Variants in COL16A1 observed in about 807,000 individuals in gnomAD.
The protein encoded by COL16A1 is collagen alpha-1(XVI) chain.
Under a neutral mutation model 266.3 loss-of-function variants are expected in COL16A1, and 189 were observed. The ratio of observed to expected loss-of-function variants is 0.71; its 90% CI spans 0.63 to 0.80. The LOEUF (loss-of-function observed/expected upper bound fraction) is 0.80, where lower values mean the gene tolerates loss of function less well. COL16A1 is among the 30% of genes least tolerant of loss of function. The pLI is 0.00. For missense variants in COL16A1, 1,928 were observed against 2,122.4 expected, an observed-to-expected ratio of 0.91 and a Z score of 1.80; for synonymous variants, 740 against 782.3, an observed-to-expected ratio of 0.95 and a Z score of 0.90.
At position 31,655,442 on chromosome 1, in the gene COL16A1, G is replaced by A; in HGVS notation, c.4162C>T (p.Pro1388Ser). ...QAGEKGRAGMPGGPGKSGSMG... is the reference protein window; with the variant it reads ...QAGEKGRAGMSGGPGKSGSMG... ...GAACCACTCTTGCCAGGTCCACCAG[G>A]CATGCCGGCTCTCCCCTTCTCTCCT... is the stretch of plus-strand genomic sequence containing the variant. The change falls in exon 67 of 71, where the codon CCT becomes TCT. Residue 1388 changes from proline to serine, a missense_variant. Physicochemically the swap from Pro to Ser is moderately conservative, Grantham distance 74. Around this residue, in one of 2 missense-constraint regions of COL16A1, gnomAD observed 376 missense variants for 485.2 expected, o/e 0.77. Coordinates refer to ENST00000373672, the MANE Select transcript of COL16A1 (RefSeq NM_001856.4). The A allele has an allele frequency of 6.2e-7, 1 of 1,614,152 alleles. No individual in the cohort carries two copies. Among genetic ancestry groups the A allele is most frequent in the Non-Finnish European group, 8.5e-7 (1 of 1,180,032 alleles).
At chr1:31,702,379 C>T (rs1027971770) in intron 1 of COL16A1, among the ~76,000 whole-genome samples, 152 bp from the exon 2 acceptor site, 1 of 152,202 alleles carries the variant, frequency 6.6e-6, no homozygotes, top group Non-Finnish European at 1.5e-5. Context: ...AGAGGCCCAA[C>T]CACAGCCCTT....
rs570831001 is a variant in COL16A1 at position 31,684,801 on chromosome 1, G to A, written c.2052+20C>T. The A allele has an allele frequency of 1.9e-6, 3 of 1,614,030 alleles. No homozygotes were observed. Among genetic ancestry groups the A allele is most frequent in the East Asian group, 4.5e-5 (2 of 44,868 alleles). On this transcript the variant is annotated intron_variant, in intron 30 of 70. Coordinates refer to ENST00000373672, the MANE Select transcript of COL16A1 (RefSeq NM_001856.4). ...GAGATGATGCCATGCCCACCCCCGTGCCCACGGACGCCCTCTCACCTTCTG... is the reference window on the plus strand; with the variant it reads ...GAGATGATGCCATGCCCACCCCCGTACCCACGGACGCCCTCTCACCTTCTG...
chr1:31,678,686 T>C (rs1179380829), intron 42 of COL16A1, among the ~76,000 whole-genome samples: 1 of 152,242 alleles, frequency 6.6e-6, no homozygotes, highest in Non-Finnish European at 1.5e-5. Context: ...ATAATAGTCA[T>C]GGGTACAATT....
At chr1:31,661,637 C>T (rs1350488815) in intron 59 of COL16A1, 23 bp downstream of exon 59, 1 of 1,613,852 alleles carries the variant, frequency 6.2e-7, no homozygotes. Flanking sequence ...CAGCTTCCAA[C>T]TCCTTCCTGC....
chr1:31,676,654 G>A (rs140647322), intron 42 of COL16A1, among the ~76,000 whole-genome samples: 12 of 152,332 alleles, frequency 7.9e-5, no homozygotes, highest in Admixed American at 1.3e-4. Context: ...GGAGACAATG[G>A]CTGCAACGAT....
In COL16A1 at chr1:31,688,622, G is replaced by T; in HGVS notation, c.1768-120C>A. 1 of 1,392,134 alleles carries T rather than the reference G, an allele frequency of 7.2e-7. No individual in the cohort carries two copies. Among genetic ancestry groups the T allele is most frequent in the Non-Finnish European group, 1.0e-6 (1 of 981,042 alleles). 86.2% of individuals were successfully genotyped at this position (1,392,134 alleles called of 1,614,324 possible). A position where few individuals can be genotyped will look rare whatever the true frequency, so the allele number is the denominator to read the frequency against. On this transcript the variant is annotated intron_variant, in intron 25 of 70. Transcript: ENST00000373672. This position sits in a 1 kb window ranked among gnomAD's most constrained non-coding sequence, Gnocchi z 4.9. Reference sequence around the variant, plus strand: ...AGATAGGAATTATGTCCTTCAGGTAGCTGGACAGTTTCTTCAGTTAGACAA... The same window carrying T: ...AGATAGGAATTATGTCCTTCAGGTATCTGGACAGTTTCTTCAGTTAGACAA...
At chr1:31,665,455 C>G in intron 55 of COL16A1, 128 bp downstream of exon 55, 1 of 1,553,254 alleles carries the variant, frequency 6.4e-7, no homozygotes, top group East Asian at 2.3e-5. Flanking sequence ...CCTGGCCACC[C>G]AGGCCGTTCT....
At chr1:31,683,520 T>G in intron 34 of COL16A1, 151 bp from the exon 35 acceptor site, 2 of 1,573,002 alleles carry the variant, frequency 1.3e-6, no homozygotes, top group Admixed American at 3.5e-5. Flanking sequence ...TCAGAGAGGC[T>G]GGGGTCAAAG....
At chr1:31,662,441 G>A in intron 57 of COL16A1, 54 bp from the exon 58 acceptor site, 1 of 1,589,204 alleles carries the variant, frequency 6.3e-7, no homozygotes, top group Non-Finnish European at 8.6e-7. Flanking sequence ...CCTAGGAGGT[G>A]GGAGGCCTGG....
intron 69 of COL16A1, 82 bp from the exon 70 acceptor site, chr1:31,653,758 C>T (rs1325781704): frequency 1.3e-6 from 2 of 1,569,894 alleles, no homozygotes; most frequent in East Asian, 2.3e-5. Context: ...CACACACACA[C>T]ACACACACAC....
At position 31,661,685 on chromosome 1, in the gene COL16A1, C is replaced by G. The variant is rs1306629782; in HGVS notation, c.3701G>C (p.Gly1234Ala). The G allele has an allele frequency of 6.2e-6, 10 of 1,602,760 alleles. No individual in the cohort carries two copies. Among genetic ancestry groups the G allele is most frequent in the Non-Finnish European group, 7.6e-6 (9 of 1,177,058 alleles). ...PGLRGDPGPAGPPGLMGPPGF... is the reference protein window; with the variant it reads ...PGLRGDPGPAAPPGLMGPPGF... ...CGGTGGTCCCATGAGTCCAGGGGGG[C>G]CAGCAGGACCAGGGTCCCCCTAGGG... Residue 1234 changes from glycine (G) to alanine (A), a missense_variant, in exon 59 of 71, where the codon GGC becomes GCC. This residue lies in a region of COL16A1 where 1,552 missense variants were observed against 1,637.2 expected (regional missense o/e 0.95). Transcript: ENST00000373672.
At chr1:31,694,472 C>T (rs1275607687) in intron 11 of COL16A1, among the ~76,000 whole-genome samples, 2 of 152,156 alleles carry the variant, frequency 1.3e-5, no homozygotes, top group African/African-American at 2.4e-5. Context: ...ATCTGGGGAC[C>T]ATCAGTCTTA....
At chr1:31,679,492 G>T (rs1357259185) in intron 42 of COL16A1, 140 bp downstream of exon 42, 1 of 1,613,686 alleles carries the variant, frequency 6.2e-7, no homozygotes, top group South Asian at 1.1e-5. Flanking sequence ...ACCCTGGGAG[G>T]CAGGTAAACA....
At chr1:31,665,860 C>A in intron 54 of COL16A1, 22 bp downstream of exon 54, 2 of 1,614,134 alleles carry the variant, frequency 1.2e-6, no homozygotes, top group Non-Finnish European at 1.7e-6. Flanking sequence ...CTCCCTGCAG[C>A]CAGGTCCCAG....
chr1:31,688,410 T>C lies in COL16A1; in HGVS notation c.1803+57A>G. On this transcript the variant is annotated intron_variant, in intron 26 of 70. Coordinates refer to ENST00000373672, the MANE Select transcript of COL16A1 (RefSeq NM_001856.4). This position sits in a 1 kb window ranked among gnomAD's most constrained non-coding sequence, Gnocchi z 4.9. The stretch of plus-strand genomic sequence containing the variant: ...CCTTATTCCCCGCCCGCACCACTCC[T>C]CCCCTGCCTGCCTGCCAAGAAACTC... 1 of 1,597,626 alleles carries C rather than the reference T, an allele frequency of 6.3e-7. No individual in the cohort carries two copies. Among genetic ancestry groups the C allele is most frequent in the Non-Finnish European group, 8.6e-7 (1 of 1,165,248 alleles).
intron 22 of COL16A1, 81 bp from the exon 23 acceptor site, chr1:31,689,932 C>A: frequency 8.1e-7 from 1 of 1,228,972 alleles, no homozygotes; most frequent in African/African-American, 1.5e-5. Context: ...CGCAGACCAG[C>A]CCTAGACATT....
intron 10 of COL16A1, 114 bp from the exon 11 acceptor site, chr1:31,695,335 G>A (rs769081161): frequency 3.7e-5 from 38 of 1,023,748 alleles, no homozygotes; most frequent in Non-Finnish European, 5.3e-5. Context: ...TGGAATCTGA[G>A]GGGAGCCTGA....
chr1:31,661,297 C>CA, intron 60 of COL16A1, 117 bp downstream of exon 60: 1 of 1,562,450 alleles, frequency 6.4e-7, no homozygotes, highest in Non-Finnish European at 8.7e-7. Context: ...CCAGTGGCCC[C>CA]AGGAGGCTCT....
At chr1:31,699,718 A>T in intron 4 of COL16A1, 95 bp downstream of exon 4, 1 of 827,118 alleles carries the variant, frequency 1.2e-6, no homozygotes, top group African/African-American at 1.7e-5. Flanking sequence ...AATGACCCAC[A>T]GACAGGCCCC....
Sources: allele counts gnomAD v4.1 joint callset (sites outside exome capture counted in the v4.1 genomes callset), GRCh38; gene constraint gnomAD v4.1.1; regional missense constraint gnomAD v4.1.1; non-coding constraint Gnocchi (gnomAD v3.1); transcripts MANE v1.5; gene names NCBI Gene and HGNC (gene_info 2026-07-23, HGNC 2026-07-21).